Variants in VIT observed in about 807,000 individuals in gnomAD.
VIT encodes vitrin.
Under a neutral mutation model 78.0 loss-of-function variants are expected in VIT, and 99 were observed. That is an observed-to-expected ratio of 1.27 (90% CI 1.08 to 1.50). The LOEUF is 1.50. Ranked by LOEUF, VIT falls within the 40% of genes most tolerant of loss-of-function variation. The pLI is 0.00. For missense variants in VIT, 1,126 were observed against 875.3 expected, an observed-to-expected ratio of 1.29 and a Z score of -3.61; for synonymous variants, 374 against 334.3, an observed-to-expected ratio of 1.12 and a Z score of -1.29.
chr2:36,793,717 G>C (rs1365467840), intron 12 of VIT, among the ~76,000 whole-genome samples: 1 of 82,062 alleles, frequency 1.2e-5, no homozygotes, highest in East Asian at 6.4e-3. Flanking sequence ...GCTTGTTTGA[G>C]AAAATAGAAA....
At chr2:36,786,441 C>G (rs1665099697) in intron 11 of VIT, among the ~76,000 whole-genome samples, 1 of 152,096 alleles carries the variant, frequency 6.6e-6, no homozygotes, top group Admixed American at 6.5e-5. Context: ...CCCATCCATC[C>G]CTTTACCTCT....
intron 13 of VIT, among the ~76,000 whole-genome samples, chr2:36,804,613 C>G (rs942787993): frequency 1.3e-5 from 2 of 152,146 alleles, no homozygotes; most frequent in African/African-American, 2.4e-5. Context: ...AGGCAGATCA[C>G]AAGATCAAGA....
At chr2:36,774,692 G>T (rs1202576221) in intron 8 of VIT, 2 of 985,410 alleles carry the variant, frequency 2.0e-6, no homozygotes, top group East Asian at 2.3e-4. Flanking sequence ...CAATGCACAT[G>T]CTGTTGTCCT....
chr2:36,726,832 A>C lies in VIT; in HGVS notation c.53-2594A>C, dbSNP rs538079554. On this transcript the variant is annotated intron_variant, in intron 2 of 15. Transcript: ENST00000379242. ...GGACTCTGTCTCAAAAAAAAAAAAA[A>C]AAAAAAAAAAACAAAACCTCAGAAG... Among the ~76,000 whole-genome samples, 57 of 148,138 alleles carry C rather than the reference A, an allele frequency of 3.8e-4. 1 individual carries two copies. Among genetic ancestry groups the C allele is most frequent in the Middle Eastern group, 3.4e-3 (1 of 290 alleles).
At chr2:36,709,065 G>A (rs908046852) in intron 1 of VIT, among the ~76,000 whole-genome samples, 35 of 152,134 alleles carry the variant, frequency 2.3e-4, no homozygotes, top group Middle Eastern at 3.2e-3. Context: ...CAGGAGAATC[G>A]CTTGAACCCG....
chr2:36,787,008 C>A, intron 11 of VIT, 121 bp from the exon 12 acceptor site: 1 of 1,276,702 alleles, frequency 7.8e-7, no homozygotes, highest in Non-Finnish European at 1.1e-6. Flanking sequence ...CATCTTCCTA[C>A]CTCTTTTTCC....
At chr2:36,781,828 G>A in intron 10 of VIT, 57 bp downstream of exon 10, 1 of 1,595,804 alleles carries the variant, frequency 6.3e-7, no homozygotes, top group South Asian at 1.1e-5. Flanking sequence ...CAGGATAGCA[G>A]AACTAAGAGT....
At chr2:36,754,829 G>A (rs1489642395) in intron 4 of VIT, 92 bp from the exon 5 acceptor site, 2 of 1,435,210 alleles carry the variant, frequency 1.4e-6, no homozygotes, top group Non-Finnish European at 1.9e-6. Context: ...TTTCCTATGT[G>A]TAAATAAAGA....
At position 36,808,664 on chromosome 2, in the gene VIT, AC is replaced by A. The variant is rs759547205; in HGVS notation, c.1584del (p.Val529SerfsTer5). 12 of 1,614,170 alleles carry A rather than the reference AC, an allele frequency of 7.4e-6. No homozygotes were observed. The highest frequency in any genetic ancestry group is 1.0e-5 in the Non-Finnish European group (12 of 1,180,020). On this transcript the variant is annotated frameshift_variant, in exon 15 of 16. Transcript: ENST00000379242. LOFTEE classifies it high-confidence loss of function. ...SSSVGTGNFR[T>X]VLQFVTNLTK... ...CAGTGTGGGGACGGGCAACTTCCGC[AC>A]CGTCCTCCAGTTTGTGACCAACCTC...
chr2:36,779,607 G>C (rs1295139252), intron 9 of VIT, among the ~76,000 whole-genome samples: 1 of 152,046 alleles, frequency 6.6e-6, no homozygotes, highest in Admixed American at 6.6e-5. Flanking sequence ...TATTCTTCCT[G>C]ATGCTCTCCC....
rs747748359 is a variant in VIT, at chr2:36,814,224, G to A, written c.1945G>A (p.Glu649Lys). Reference sequence around the variant, plus strand: ...GATAGGCGTTGCCTGGGCTGCCCAAGAGGAGCTAGAAGTCATTGCCACTCA... The same window carrying A: ...GATAGGCGTTGCCTGGGCTGCCCAAAAGGAGCTAGAAGTCATTGCCACTCA... ...YAIGVAWAAQ[E>K]ELEVIATHPA... The change falls in exon 16 of 16, where the codon GAG becomes AAG. Residue 649 changes from glutamate to lysine, a missense_variant. Transcript: ENST00000379242. 1 of 1,614,098 alleles carries A rather than the reference G, an allele frequency of 6.2e-7. No homozygotes were observed. Among genetic ancestry groups the A allele is most frequent in the African/African-American group, 1.3e-5 (1 of 74,928 alleles).
chr2:36,805,503 C>T lies in VIT; in HGVS notation c.1228C>T (p.Pro410Ser). Residue 410 changes from proline (P) to serine (S), a missense_variant, in exon 14 of 16, where the codon CCC becomes TCC. Transcript: ENST00000379242. ...AGCCAATGGAAACAGAAGCGGGGCTCCCAATGTGGTGGTGGTGATGGTGGA... is the reference window on the plus strand; with the variant it reads ...AGCCAATGGAAACAGAAGCGGGGCTTCCAATGTGGTGGTGGTGATGGTGGA... Reference protein sequence around the residue: ...SKANGNRSGAPNVVVVMVDGW... With the variant: ...SKANGNRSGASNVVVVMVDGW... 1 of 1,613,974 alleles carries T rather than the reference C, an allele frequency of 6.2e-7. No individual in the cohort carries two copies. Among genetic ancestry groups the T allele is most frequent in the Non-Finnish European group, 8.5e-7 (1 of 1,179,984 alleles).
chr2:36,740,928 G>T (rs1316605258), intron 3 of VIT, among the ~76,000 whole-genome samples: 2 of 152,198 alleles, frequency 1.3e-5, no homozygotes, highest in South Asian at 2.1e-4. Flanking sequence ...TCCAGATAGA[G>T]ACTCGTTTAC....
chr2:36,806,745 A>G (rs552405061), intron 14 of VIT, among the ~76,000 whole-genome samples: 5 of 151,956 alleles, frequency 3.3e-5, no homozygotes, highest in African/African-American at 1.2e-4. Flanking sequence ...TTTTATTTTT[A>G]GTAGAGATGG....
chr2:36,808,086 C>T (rs1022542389), intron 14 of VIT, among the ~76,000 whole-genome samples: 1 of 152,210 alleles, frequency 6.6e-6, no homozygotes, highest in African/African-American at 2.4e-5. Flanking sequence ...GGAATAAAAG[C>T]TTTCTTTAGT....
intron 12 of VIT, among the ~76,000 whole-genome samples, chr2:36,799,892 A>G (rs988748148): frequency 1.3e-5 from 2 of 150,616 alleles, no homozygotes; most frequent in African/African-American, 4.9e-5. Context: ...TACTAAAAAT[A>G]CAAAAATTAG....
At chr2:36,712,523 T>C (rs1442084342) in intron 1 of VIT, among the ~76,000 whole-genome samples, 2 of 152,046 alleles carry the variant, frequency 1.3e-5, no homozygotes, top group Non-Finnish European at 2.9e-5. Flanking sequence ...ATAATTCACA[T>C]ACCATAAAAT....
intron 3 of VIT, among the ~76,000 whole-genome samples, chr2:36,739,367 A>G (rs1667696446): frequency 2.6e-5 from 4 of 152,200 alleles, no homozygotes; most frequent in African/African-American, 7.2e-5. Context: ...TGTATGTGAC[A>G]TCATCTAATA....
chr2:36,788,485 C>T (rs1292758945), intron 12 of VIT, among the ~76,000 whole-genome samples: 1 of 152,202 alleles, frequency 6.6e-6, no homozygotes, highest in East Asian at 1.9e-4. Flanking sequence ...GATGAGTTAA[C>T]TGGCACTTGT....
Sources: gnomAD v4.1 joint callset for allele counts (sites outside exome capture counted in the v4.1 genomes callset) on GRCh38, gnomAD v4.1.1 for gene constraint, MANE v1.5 for transcripts, NCBI Gene and HGNC (gene_info 2026-07-23, HGNC 2026-07-21) for gene names.